GRIK1: variants seen among roughly 807,000 people sequenced by gnomAD.
The protein encoded by GRIK1 is glutamate receptor ionotropic, kainate 1.
GRIK1 carries 69 observed loss-of-function variants against 105.7 expected under a neutral mutation model. The ratio of observed to expected loss-of-function variants is 0.65; its 90% confidence interval spans 0.54 to 0.80. The LOEUF (loss-of-function observed/expected upper bound fraction) is 0.80, where lower values mean the gene tolerates loss of function less well. GRIK1 is among the 30% of genes least tolerant of loss of function. The pLI is 0.00. For missense variants in GRIK1, 1,109 were observed against 1,167.3 expected, an observed-to-expected ratio of 0.95 and a Z score of 0.73; for synonymous variants, 438 against 431.3, an observed-to-expected ratio of 1.02 and a Z score of -0.19.
chr21:29,808,825 A>C (rs976298298), intron 1 of GRIK1, among the ~76,000 whole-genome samples: 8 of 152,132 alleles, frequency 5.3e-5, no homozygotes, highest in Admixed American at 2.0e-4. Context: ...TTAGCCCCCC[A>C]TGTTTGTGAG....
chr21:29,898,826 T>C (rs2070275987), intron 1 of GRIK1, among the ~76,000 whole-genome samples: 2 of 152,182 alleles, frequency 1.3e-5, no homozygotes, highest in African/African-American at 4.8e-5. Flanking sequence ...AAGTAGATTT[T>C]ATATATTTCA....
chr21:29,846,452 G>GAGAGAGAGAAAGAAA (rs1472713302), intron 1 of GRIK1, among the ~76,000 whole-genome samples: 22 of 114,434 alleles, frequency 1.9e-4, no homozygotes, highest in Admixed American at 5.4e-4. Context: ...AAGGAAAGAA[G>GAGAGAGAGAAAGAAA]GAAAGAGAGA....
intron 1 of GRIK1, among the ~76,000 whole-genome samples, chr21:29,905,177 G>A (rs2070565083): frequency 6.6e-6 from 1 of 152,126 alleles, no homozygotes. Context: ...ACTGAGTGGG[G>A]CCAAATTTTG....
At chr21:29,562,722 G>A (rs886192905) in intron 14 of GRIK1, among the ~76,000 whole-genome samples, 1 of 143,784 alleles carries the variant, frequency 7.0e-6, no homozygotes, top group African/African-American at 2.5e-5. Context: ...AATTTTAATT[G>A]TAATCATATT....
intron 1 of GRIK1, among the ~76,000 whole-genome samples, chr21:29,767,106 C>T (rs559534209): frequency 6.6e-6 from 1 of 152,232 alleles, no homozygotes; most frequent in East Asian, 1.9e-4. Context: ...CTGGCACATA[C>T]TTCATCCGAA....
At chr21:29,561,035 C>A (rs1371784328) in intron 15 of GRIK1, among the ~76,000 whole-genome samples, 1 of 152,196 alleles carries the variant, frequency 6.6e-6, no homozygotes, top group Non-Finnish European at 1.5e-5. Context: ...GGTCTATATA[C>A]CTAGGCAATA....
intron 1 of GRIK1, among the ~76,000 whole-genome samples, chr21:29,838,119 G>A (rs1364226385): frequency 6.6e-6 from 1 of 152,134 alleles, no homozygotes; most frequent in Non-Finnish European, 1.5e-5. Context: ...GTTTGCAAAA[G>A]ACCCATTCAA....
At chr21:29,642,212 T>C (rs923988289) in intron 7 of GRIK1, among the ~76,000 whole-genome samples, 6 of 152,094 alleles carry the variant, frequency 3.9e-5, no homozygotes, top group Admixed American at 2.0e-4. Flanking sequence ...TCAAACTGCC[T>C]CAGAGAAAAG....
At chr21:29,662,302 A>C (rs1318711916) in intron 4 of GRIK1, among the ~76,000 whole-genome samples, 1 of 152,244 alleles carries the variant, frequency 6.6e-6, no homozygotes, top group Non-Finnish European at 1.5e-5. Context: ...CAGGAAAAGA[A>C]GTTTTCCCAT....
chr21:29,864,472 G>C (rs1759259273), intron 1 of GRIK1, among the ~76,000 whole-genome samples: 1 of 151,976 alleles, frequency 6.6e-6, no homozygotes, highest in Admixed American at 6.6e-5. Flanking sequence ...ATTTGTGAGA[G>C]AATTCTCAAT....
rs375522257 is a variant in GRIK1, at chr21:29,603,608, C to G, written c.1099-4671G>C. Among the ~76,000 whole-genome samples, 11 of 152,236 alleles carry G rather than the reference C, an allele frequency of 7.2e-5. No individual in the cohort carries two copies. In the East Asian group the frequency reaches 1.4e-3, roughly 19 times the overall value. On this transcript the variant is annotated intron_variant, in intron 7 of 17. Coordinates refer to ENST00000327783, the MANE Select transcript of GRIK1 (RefSeq NM_001330994.2). ...GGCATTGCATTCTCCTTTTTCTCCC[C>G]GTCACACCTCAATTCTAGTTTTTGT...
At chr21:29,881,146 A>G (rs908404110) in intron 1 of GRIK1, among the ~76,000 whole-genome samples, 2 of 152,102 alleles carry the variant, frequency 1.3e-5, no homozygotes, top group African/African-American at 4.8e-5. Flanking sequence ...AAATTAATTA[A>G]AATGATTTAA....
intron 1 of GRIK1, among the ~76,000 whole-genome samples, chr21:29,695,105 A>T (rs1440614104): frequency 6.6e-6 from 1 of 152,192 alleles, no homozygotes; most frequent in Non-Finnish European, 1.5e-5. Flanking sequence ...TGGTGTCTTA[A>T]ACATGAGGAT....
intron 7 of GRIK1, among the ~76,000 whole-genome samples, chr21:29,614,640 C>T (rs1474245387): frequency 1.3e-5 from 2 of 151,040 alleles, no homozygotes; most frequent in African/African-American, 4.9e-5. Context: ...CTCAAACTCT[C>T]GACCTCAGGT....
chr21:29,754,373 G>A (rs1169907493), intron 1 of GRIK1, among the ~76,000 whole-genome samples: 1 of 152,132 alleles, frequency 6.6e-6, no homozygotes, highest in Non-Finnish European at 1.5e-5. Context: ...TCAAGAATAT[G>A]GAAGGAAAAA....
chr21:29,847,277 C>G (rs2068153018), intron 1 of GRIK1, among the ~76,000 whole-genome samples: 1 of 152,112 alleles, frequency 6.6e-6, no homozygotes, highest in Admixed American at 6.6e-5. Context: ...TAAGTTACTT[C>G]TCAGCAGTTT....
chr21:29,798,257 G>A (rs1439971856), intron 1 of GRIK1, among the ~76,000 whole-genome samples: 1 of 152,138 alleles, frequency 6.6e-6, no homozygotes, highest in African/African-American at 2.4e-5. Flanking sequence ...AAATTCTTAG[G>A]CGAATGGGAA....
intron 1 of GRIK1, among the ~76,000 whole-genome samples, chr21:29,834,886 T>A (rs970414360): frequency 6.7e-6 from 1 of 149,394 alleles, no homozygotes; most frequent in Non-Finnish European, 1.5e-5. Flanking sequence ...TTAATTAATA[T>A]TAATTATTAG....
intron 2 of GRIK1, 105 bp from the exon 3 acceptor site, chr21:29,690,090 T>A: frequency 2.3e-6 from 2 of 865,782 alleles, no homozygotes; most frequent in Non-Finnish European, 3.6e-6. Context: ...TTCCTCTTTT[T>A]AATGCAACTA....
Sources: gnomAD v4.1 joint callset for allele counts (sites outside exome capture counted in the v4.1 genomes callset) on GRCh38, gnomAD v4.1.1 for gene constraint, MANE v1.5 for transcripts, NCBI Gene and HGNC (gene_info 2026-07-23, HGNC 2026-07-21) for gene names.